Variants in PRPF3 observed in about 807,000 individuals in gnomAD.
PRPF3 encodes the protein pre-mRNA processing factor 3, also known as U4/U6 small nuclear ribonucleoprotein Prp3.
A neutral mutation model predicts 89.2 loss-of-function variants in PRPF3; 3 were observed. The observed-to-expected ratio is 0.03, with a 90% confidence interval of 0.02 to 0.09. The LOEUF is 0.09. Among genes scored for constraint, PRPF3 ranks in the 10% least tolerant of loss-of-function variants. PRPF3 has a pLI of 1.00. For synonymous variants in PRPF3, 270 were observed against 289.1 expected (o/e 0.93, Z 0.67); for missense variants, 463 against 828.8 (o/e 0.56, Z 5.42).
At chr1:150,336,114 A>G (rs1257204035) in intron 7 of PRPF3, among the ~76,000 whole-genome samples, 1 of 152,104 alleles carries the variant, frequency 6.6e-6, no homozygotes, top group African/African-American at 2.4e-5. Context: ...TAATTATATA[A>G]CTCACCATAA....
At chr1:150,321,839 G>T (rs879967816) in intron 1 of PRPF3, among the ~76,000 whole-genome samples, 1 of 151,988 alleles carries the variant, frequency 6.6e-6, no homozygotes, top group Non-Finnish European at 1.5e-5. Context: ...TAGAGTAAGA[G>T]ACTGGTTGGA....
chr1:150,352,451 G>A (rs1553874575), intron 15 of PRPF3, among the ~76,000 whole-genome samples: 1 of 152,218 alleles, frequency 6.6e-6, no homozygotes, highest in Non-Finnish European at 1.5e-5. Flanking sequence ...GGATCACGAG[G>A]TCAGGAGATC....
In PRPF3 at chr1:150,346,003, C is replaced by T. The variant is rs1302234233; in HGVS notation, c.1641-15C>T. The T allele has an allele frequency of 6.9e-6, 11 of 1,600,968 alleles. No homozygotes were observed. In the East Asian group the frequency reaches 2.5e-4, roughly 36 times the overall value. ...TGCTAAAATGGAAGACATAACTAAA[C>T]TTTCCCTTCTCCAGAGTTCGAAATT... On this transcript the variant is annotated splice_polypyrimidine_tract_variant and intron_variant, in intron 12 of 15. Coordinates refer to ENST00000324862, the MANE Select transcript of PRPF3 (RefSeq NM_004698.4).
At chr1:150,340,278 G>A in intron 8 of PRPF3, 120 bp from the exon 9 acceptor site, 1 of 723,538 alleles carries the variant, frequency 1.4e-6, no homozygotes, top group South Asian at 1.5e-5. Flanking sequence ...TGCTATTTTA[G>A]GTATATCAAG....
intron 1 of PRPF3, among the ~76,000 whole-genome samples, chr1:150,324,234 C>T (rs1249655515): frequency 1.3e-5 from 2 of 152,148 alleles, no homozygotes; most frequent in South Asian, 2.1e-4. Context: ...AATGGAAAAG[C>T]TGGCCTCTGG....
intron 5 of PRPF3, 40 bp from the exon 6 acceptor site, chr1:150,332,939 C>T: frequency 1.3e-6 from 2 of 1,573,790 alleles, no homozygotes; most frequent in Non-Finnish European, 1.7e-6. Context: ...GTTTGTCTGC[C>T]TGTCTTAATT....
intron 15 of PRPF3, among the ~76,000 whole-genome samples, chr1:150,349,882 T>TGGGGGCAG (rs1553873923): frequency 1.0e-5 from 1 of 97,618 alleles, no homozygotes; most frequent in Non-Finnish European, 2.0e-5. Context: ...TATCTTTTTT[T>TGGGGGCAG]GGGGGCGGGG....
intron 8 of PRPF3, among the ~76,000 whole-genome samples, chr1:150,338,990 C>T (rs1443278288): frequency 2.3e-4 from 35 of 151,858 alleles, no homozygotes; most frequent in Admixed American, 2.3e-3. Flanking sequence ...TCTTTTGCTA[C>T]GTATTATAGG....
chr1:150,333,350 A>G, intron 6 of PRPF3, 151 bp downstream of exon 6: 3 of 821,956 alleles, frequency 3.6e-6, no homozygotes, highest in Non-Finnish European at 5.9e-6. Context: ...ACCTGAGGTC[A>G]GGAGTCAGGA....
intron 4 of PRPF3, among the ~76,000 whole-genome samples, chr1:150,329,593 AT>A (rs1396629334): frequency 2.2e-4 from 33 of 151,486 alleles, no homozygotes; most frequent in African/African-American, 7.3e-4. Context: ...AGTTGACTTT[AT>A]TTTTTTTTAA....
At chr1:150,323,092 C>A (rs1655254522) in intron 1 of PRPF3, among the ~76,000 whole-genome samples, 2 of 150,024 alleles carry the variant, frequency 1.3e-5, no homozygotes, top group African/African-American at 4.9e-5. Flanking sequence ...CCAGGCTGGT[C>A]TCGAACTCCT....
intron 15 of PRPF3, 45 bp from the exon 16 acceptor site, chr1:150,352,788 T>A: frequency 6.3e-7 from 1 of 1,588,946 alleles, no homozygotes; most frequent in East Asian, 2.3e-5. Context: ...ATTATCTGAT[T>A]TAAATAAGAA....
chr1:150,331,459 G>T (rs1553865514), intron 4 of PRPF3, among the ~76,000 whole-genome samples: 1 of 152,006 alleles, frequency 6.6e-6, no homozygotes, highest in African/African-American at 2.4e-5. Context: ...CCACCTTCTG[G>T]ATTCAAGCGC....
chr1:150,343,526 A>G, intron 10 of PRPF3, 74 bp downstream of exon 10: 1 of 1,557,866 alleles, frequency 6.4e-7, no homozygotes, highest in Non-Finnish European at 8.8e-7. Context: ...GAACTTTAAC[A>G]TCTCTGTGTT....
intron 15 of PRPF3, among the ~76,000 whole-genome samples, chr1:150,349,897 G>A (rs1470126899): frequency 7.8e-6 from 1 of 128,852 alleles, no homozygotes; most frequent in Admixed American, 7.9e-5. Context: ...GCGGGGGGGC[G>A]GGGGGCGGTA....
chr1:150,325,006 G>C lies in PRPF3; in HGVS notation c.64G>C (p.Val22Leu). The change falls in exon 2 of 16, where the codon GTC (valine) becomes CTC (leucine). Residue 22 changes from valine to leucine, a missense_variant. Val to Leu is a conservative substitution (Grantham distance 32, BLOSUM62 1). Around this residue, in one of 8 missense-constraint regions of PRPF3, gnomAD observed 33 missense variants for 83.1 expected, o/e 0.40. Transcript: ENST00000324862. ...KPWIEKTVKR[V>L]LGFSEPTVVT... ...ATGGATAGAGAAGACAGTGAAGAGGGTCCTGGGTTTCTCAGAGCCTACGGT... is the reference window on the plus strand; with the variant it reads ...ATGGATAGAGAAGACAGTGAAGAGGCTCCTGGGTTTCTCAGAGCCTACGGT... The C allele has an allele frequency of 6.2e-7, 1 of 1,613,818 alleles. No individual in the cohort carries two copies. Among genetic ancestry groups the C allele is most frequent in the Non-Finnish European group, 8.5e-7 (1 of 1,179,912 alleles).
chr1:150,337,229 C>T (rs1475494706), intron 7 of PRPF3, among the ~76,000 whole-genome samples: 3 of 151,408 alleles, frequency 2.0e-5, no homozygotes, highest in East Asian at 3.9e-4. Context: ...TTAGTAGAGA[C>T]GGGGTTTCAC....
At chr1:150,345,936 G>A (rs1572272402) in intron 12 of PRPF3, 82 bp from the exon 13 acceptor site, 1 of 1,050,208 alleles carries the variant, frequency 9.5e-7, no homozygotes, top group South Asian at 1.3e-5. Context: ...AACCATTTTG[G>A]ATTCATCTTT....
At chr1:150,349,561 G>A (rs782737317) in intron 15 of PRPF3, among the ~76,000 whole-genome samples, 3 of 152,190 alleles carry the variant, frequency 2.0e-5, no homozygotes, top group Non-Finnish European at 4.4e-5. Flanking sequence ...TTTGGATATA[G>A]TGAAGGAAGT....
Sources: gnomAD v4.1 joint callset for allele counts (sites outside exome capture counted in the v4.1 genomes callset) on GRCh38, gnomAD v4.1.1 for gene constraint, gnomAD v4.1.1 regional missense constraint, MANE v1.5 for transcripts, NCBI Gene and HGNC (gene_info 2026-07-23, HGNC 2026-07-21) for gene names.